Variants in CLYBL observed in about 807,000 individuals in gnomAD.
The protein encoded by CLYBL is citramalyl-CoA lyase, also known as citramalyl-CoA lyase, mitochondrial.
Under a neutral mutation model 38.9 loss-of-function variants are expected in CLYBL, and 31 were observed. The observed-to-expected ratio is 0.80, with a 90% CI of 0.60 to 1.08. The LOEUF (loss-of-function observed/expected upper bound fraction) is 1.08. Ranked by LOEUF, CLYBL falls within the 50% of genes least tolerant of loss-of-function variation. The pLI, the probability that CLYBL is intolerant of heterozygous loss-of-function variation, is 0.00. For synonymous variants in CLYBL, 171 were observed against 158.6 expected, an observed-to-expected ratio of 1.08 and a Z score of -0.59; for missense variants, 434 against 411.6, an observed-to-expected ratio of 1.05 and a Z score of -0.47.
At position 99,702,110 on chromosome 13, in the gene CLYBL, T is replaced by G. The variant is rs138472079; in HGVS notation, c.63-70714T>G. On this transcript the variant is annotated intron_variant, in intron 1 of 8. Transcript: ENST00000339105. ...GCATTGTTTTCATCACACCTTTTAT[T>G]TTTTGTTTTGTTTTTTAGGGACAGA... Among the ~76,000 whole-genome samples the G allele has an allele frequency of 2.5e-3, 376 of 152,162 alleles. 3 individuals carry two copies. The highest frequency in any genetic ancestry group is 8.5e-3 in the African/African-American group (353 of 41,512).
chr13:99,840,865 G>T (rs1206914045), intron 2 of CLYBL, among the ~76,000 whole-genome samples: 1 of 148,346 alleles, frequency 6.7e-6, no homozygotes, highest in Non-Finnish European at 1.5e-5. Context: ...AGTGTTTGTT[G>T]CCCAAACATA....
intron 2 of CLYBL, among the ~76,000 whole-genome samples, chr13:99,813,966 C>T (rs961005658): frequency 2.0e-5 from 3 of 152,184 alleles, no homozygotes; most frequent in Non-Finnish European, 4.4e-5. Flanking sequence ...TCTCCAACTG[C>T]CAAAGCCTCT....
intron 1 of CLYBL, among the ~76,000 whole-genome samples, chr13:99,702,878 GACA>G (rs1452934785): frequency 2.0e-5 from 3 of 152,210 alleles, no homozygotes; most frequent in Non-Finnish European, 4.4e-5. Flanking sequence ...ATAAGAAGCT[GACA>G]ACATCAGTTA....
intron 1 of CLYBL, among the ~76,000 whole-genome samples, chr13:99,767,304 A>G (rs1690435863): frequency 6.6e-6 from 1 of 151,726 alleles, no homozygotes; most frequent in Non-Finnish European, 1.5e-5. Flanking sequence ...TCAGCACTGT[A>G]TATTTGTTTT....
At chr13:99,644,108 G>GTGTA (rs1252756924) in intron 1 of CLYBL, among the ~76,000 whole-genome samples, 1 of 141,286 alleles carries the variant, frequency 7.1e-6, no homozygotes, top group Non-Finnish European at 1.6e-5. Flanking sequence ...TTTATATGTG[G>GTGTA]TGTATGTATG....
chr13:99,825,655 G>C (rs1403761407), intron 2 of CLYBL, among the ~76,000 whole-genome samples: 1 of 152,162 alleles, frequency 6.6e-6, no homozygotes, highest in Non-Finnish European at 1.5e-5. Flanking sequence ...TGGTAATCTT[G>C]TTTCCTGAGG....
chr13:99,801,086 C>G (rs1250985264), intron 2 of CLYBL, among the ~76,000 whole-genome samples: 1 of 152,126 alleles, frequency 6.6e-6, no homozygotes, highest in Non-Finnish European at 1.5e-5. Context: ...GCTTAAATAA[C>G]ATCACCGTCG....
At chr13:99,768,181 C>G (rs1240129889) in intron 1 of CLYBL, among the ~76,000 whole-genome samples, 1 of 108,930 alleles carries the variant, frequency 9.2e-6, no homozygotes, top group East Asian at 3.1e-4. Context: ...CTCCTCAAGT[C>G]TTTTCTTTTT....
At chr13:99,641,580 G>A (rs909443103) in intron 1 of CLYBL, among the ~76,000 whole-genome samples, 2 of 151,868 alleles carry the variant, frequency 1.3e-5, no homozygotes, top group Non-Finnish European at 2.9e-5. Flanking sequence ...CAAGGTGGGC[G>A]GATCATGAGG....
At chr13:99,716,266 C>T (rs1368886692) in intron 1 of CLYBL, among the ~76,000 whole-genome samples, 15 of 142,144 alleles carry the variant, frequency 1.1e-4, no homozygotes, top group African/African-American at 3.4e-4. Context: ...CTGCCTCAGC[C>T]TCCCGAATAG....
chr13:99,859,918 G>A (rs749812133), intron 3 of CLYBL, among the ~76,000 whole-genome samples: 1 of 152,124 alleles, frequency 6.6e-6, no homozygotes, highest in Non-Finnish European at 1.5e-5. Flanking sequence ...TGGTCGGGGC[G>A]AGTGGGCAGT....
At chr13:99,619,252 A>G (rs768950952) in intron 1 of CLYBL, among the ~76,000 whole-genome samples, 8 of 151,956 alleles carry the variant, frequency 5.3e-5, no homozygotes, top group Non-Finnish European at 2.9e-5. Flanking sequence ...GAGGCTTCAG[A>G]GAGAGTTTTC....
At chr13:99,614,199 G>A (rs1441383643) in intron 1 of CLYBL, among the ~76,000 whole-genome samples, 1 of 152,110 alleles carries the variant, frequency 6.6e-6, no homozygotes, top group African/African-American at 2.4e-5. Flanking sequence ...AAAGACCAGT[G>A]GTCCAAGATG....
chr13:99,791,176 C>T (rs1441205384), intron 2 of CLYBL, among the ~76,000 whole-genome samples: 1 of 151,934 alleles, frequency 6.6e-6, no homozygotes, highest in East Asian at 1.9e-4. Context: ...TTTAAATTTC[C>T]CAGTTTTGAC....
At chr13:99,785,191 CTTTTTTTTTT>C (rs58550861) in intron 2 of CLYBL, among the ~76,000 whole-genome samples, 33 of 34,210 alleles carry the variant, frequency 9.6e-4, no homozygotes, top group Non-Finnish European at 1.3e-3. Flanking sequence ...CCCCGCCTGG[CTTTTTTTTTT>C]TTTTTTTTTT....
chr13:99,735,163 C>T (rs1229272697), intron 1 of CLYBL, among the ~76,000 whole-genome samples: 1 of 152,104 alleles, frequency 6.6e-6, no homozygotes, highest in Non-Finnish European at 1.5e-5. Context: ...TTGCCTGAAT[C>T]TCTGTTTTAG....
Position 99,869,353 on chromosome 13 carries a change from C to A in CLYBL, c.803-1585C>A, listed in dbSNP as rs2051828021. Among the ~76,000 whole-genome samples the A allele has an allele frequency of 1.3e-5, 2 of 152,062 alleles. No homozygotes were observed. Among genetic ancestry groups the A allele is most frequent in the Non-Finnish European group, 2.9e-5 (2 of 67,968 alleles). On this transcript the variant is annotated intron_variant, in intron 6 of 8. Coordinates refer to ENST00000339105, the MANE Select transcript of CLYBL (RefSeq NM_206808.5). The surrounding 1 kb of genome is among the most constrained non-coding windows in gnomAD (Gnocchi z 4.3). ...TGTACATAAATTATGAAATTCAGGG[C>A]TAACAATTAGGAGGAAATGACTACC...
intron 2 of CLYBL, among the ~76,000 whole-genome samples, chr13:99,831,019 A>G (rs911683396): frequency 1.3e-5 from 2 of 152,180 alleles, no homozygotes; most frequent in Non-Finnish European, 2.9e-5. Context: ...AAGAGAAGTC[A>G]GACACAGAAG....
At chr13:99,864,692 T>G in intron 4 of CLYBL, 126 bp from the exon 5 acceptor site, 3 of 685,608 alleles carry the variant, frequency 4.4e-6, no homozygotes, top group Non-Finnish European at 7.9e-6. Flanking sequence ...TTGGGCTGCG[T>G]TTTTAGGACT....
Sources: allele counts gnomAD v4.1 joint callset (sites outside exome capture counted in the v4.1 genomes callset), GRCh38; gene constraint gnomAD v4.1.1; non-coding constraint Gnocchi (gnomAD v3.1); transcripts MANE v1.5; gene names NCBI Gene and HGNC (gene_info 2026-07-23, HGNC 2026-07-21).